The following ERBB4 variants were observed in gnomAD, a reference collection of about 807,000 sequenced individuals.
ERBB4 encodes erb-b2 receptor tyrosine kinase 4.
ERBB4 carries 42 observed loss-of-function variants against 158.0 expected under a neutral mutation model. The observed-to-expected ratio is 0.27, with a 90% CI of 0.21 to 0.34. ERBB4 has a LOEUF of 0.34. ERBB4 is among the 10% of genes least tolerant of loss of function. The pLI, the probability that ERBB4 is intolerant of heterozygous loss-of-function variation, is 1.00. For missense variants in ERBB4, 1,333 were observed against 1,624.1 expected, an observed-to-expected ratio of 0.82 and a Z score of 3.08; for synonymous variants, 583 against 558.7, an observed-to-expected ratio of 1.04 and a Z score of -0.61.
chr2:212,391,735 CAT>C (rs200250723), intron 1 of ERBB4, among the ~76,000 whole-genome samples: 3,480 of 132,732 alleles, frequency 0.026, 169 homozygotes, highest in African/African-American at 0.096. Context: ...ATATATATGA[CAT>C]ATATATTATA....
chr2:211,945,280 C>G (rs2080650770), intron 3 of ERBB4, among the ~76,000 whole-genome samples: 1 of 152,090 alleles, frequency 6.6e-6, no homozygotes, highest in Non-Finnish European at 1.5e-5. Flanking sequence ...CATGTAACTT[C>G]TGATTCTTAC....
intron 20 of ERBB4, among the ~76,000 whole-genome samples, chr2:211,486,727 T>C (rs1414687555): frequency 6.6e-6 from 1 of 152,052 alleles, no homozygotes; most frequent in Non-Finnish European, 1.5e-5. Flanking sequence ...CCACATTACA[T>C]CCACATGAAA....
intron 1 of ERBB4, among the ~76,000 whole-genome samples, chr2:212,236,169 G>A (rs2083865385): frequency 2.0e-5 from 3 of 152,150 alleles, no homozygotes; most frequent in Admixed American, 2.0e-4. Flanking sequence ...AGAGTTTTTA[G>A]TATGAATGGG....
At chr2:212,013,133 T>G (rs1477709061) in intron 2 of ERBB4, among the ~76,000 whole-genome samples, 5 of 151,830 alleles carry the variant, frequency 3.3e-5, no homozygotes, top group Non-Finnish European at 7.4e-5. Flanking sequence ...CTCAGCTCAT[T>G]GCAATCTCCA....
chr2:211,657,910 G>T (rs1250286261), intron 15 of ERBB4, 82 bp from the exon 16 acceptor site: 1 of 1,607,262 alleles, frequency 6.2e-7, no homozygotes, highest in Non-Finnish European at 8.5e-7. Context: ...CACACATGGA[G>T]CCTTGGAGGA....
At chr2:211,437,597 C>T (rs1425445187) in intron 20 of ERBB4, among the ~76,000 whole-genome samples, 2 of 152,136 alleles carry the variant, frequency 1.3e-5, no homozygotes, top group African/African-American at 4.8e-5. Context: ...TCAAGAGAGA[C>T]TGGACTATTT....
rs374685010 is a variant in ERBB4 at position 211,979,884 on chromosome 2, T to C, written c.235-32268A>G. Among the ~76,000 whole-genome samples the C allele has an allele frequency of 3.3e-5, 5 of 152,274 alleles. No individual in the cohort carries two copies. The East Asian group carries it at 9.7e-4, about 29-fold the overall frequency. ...TAGATGATTTATACATCTATGCCCA[T>C]TATGAACTCACCACATAGTTACTGA... On this transcript the variant is annotated intron_variant, in intron 2 of 27. Coordinates refer to ENST00000342788, the MANE Select transcript of ERBB4 (RefSeq NM_005235.3).
At chr2:211,895,106 TTC>T (rs1378677701) in intron 3 of ERBB4, among the ~76,000 whole-genome samples, 1 of 152,134 alleles carries the variant, frequency 6.6e-6, no homozygotes, top group Non-Finnish European at 1.5e-5. Flanking sequence ...TAGACAAAAT[TTC>T]TGTCTCCCTT....
intron 2 of ERBB4, among the ~76,000 whole-genome samples, chr2:212,029,193 A>T (rs1475776744): frequency 6.6e-6 from 1 of 152,016 alleles, no homozygotes; most frequent in Admixed American, 6.6e-5. Context: ...CTGAGCTACT[A>T]CTCCCTGCCT....
intron 20 of ERBB4, among the ~76,000 whole-genome samples, chr2:211,501,712 T>C (rs1266214050): frequency 6.6e-6 from 1 of 152,072 alleles, no homozygotes; most frequent in Non-Finnish European, 1.5e-5. Flanking sequence ...AATAATAATT[T>C]AACTTACTTT....
At chr2:211,809,014 A>C (rs2076686208) in intron 3 of ERBB4, among the ~76,000 whole-genome samples, 1 of 152,198 alleles carries the variant, frequency 6.6e-6, no homozygotes, top group Admixed American at 6.5e-5. Flanking sequence ...CTAACAGCTT[A>C]AGGAGATTTT....
At chr2:212,330,310 C>G (rs1382659978) in intron 1 of ERBB4, among the ~76,000 whole-genome samples, 4 of 151,958 alleles carry the variant, frequency 2.6e-5, no homozygotes, top group Non-Finnish European at 5.9e-5. Context: ...AAACAAAATA[C>G]ATTAAAACAA....
rs548257365 is a variant in ERBB4, at chr2:211,953,192, A to T, written c.235-5576T>A. Among the ~76,000 whole-genome samples the T allele has an allele frequency of 2.6e-5, 4 of 152,140 alleles. No individual in the cohort carries two copies. In the South Asian group the frequency reaches 6.2e-4, roughly 24 times the overall value. ...ATACAAAACATTGTTTGAACAAAAC[A>T]ATTATGAATTATGTCCAAGGACCAC... On this transcript the variant is annotated intron_variant, in intron 2 of 27. Coordinates refer to ENST00000342788, the MANE Select transcript of ERBB4 (RefSeq NM_005235.3).
chr2:212,491,859 T>A (rs1159962854), intron 1 of ERBB4, among the ~76,000 whole-genome samples: 1 of 151,522 alleles, frequency 6.6e-6, no homozygotes, highest in Non-Finnish European at 1.5e-5. Flanking sequence ...AAATCTGGAT[T>A]ATATGAATTT....
intron 2 of ERBB4, among the ~76,000 whole-genome samples, chr2:212,044,140 A>G (rs1173994485): frequency 6.6e-6 from 1 of 152,112 alleles, no homozygotes; most frequent in African/African-American, 2.4e-5. Flanking sequence ...TTAGTACTAC[A>G]CGGTAGTGTC....
chr2:212,504,378 T>C (rs576447365), intron 1 of ERBB4, among the ~76,000 whole-genome samples: 1 of 152,230 alleles, frequency 6.6e-6, no homozygotes, highest in South Asian at 2.1e-4. Context: ...TAAATTAGTA[T>C]TCCTTAAAGG....
At chr2:212,161,086 C>T (rs2081190004) in intron 1 of ERBB4, among the ~76,000 whole-genome samples, 1 of 152,002 alleles carries the variant, frequency 6.6e-6, no homozygotes, top group East Asian at 1.9e-4. Context: ...GCTTATAATG[C>T]TAGAGTTTTA....
intron 1 of ERBB4, among the ~76,000 whole-genome samples, chr2:212,333,004 C>CAGAA (rs1419684700): frequency 5.3e-5 from 8 of 152,018 alleles, no homozygotes; most frequent in Non-Finnish European, 1.2e-4. Context: ...GAACTAAGAT[C>CAGAA]ATCACTCTAG....
At chr2:211,780,179 T>C (rs540674217) in intron 4 of ERBB4, among the ~76,000 whole-genome samples, 1 of 151,888 alleles carries the variant, frequency 6.6e-6, no homozygotes, top group East Asian at 1.9e-4. Context: ...CTGGGTAACG[T>C]AGGGAGAGCC....
Sources: gnomAD v4.1 joint callset for allele counts (sites outside exome capture counted in the v4.1 genomes callset) on GRCh38, gnomAD v4.1.1 for gene constraint, MANE v1.5 for transcripts, NCBI Gene and HGNC (gene_info 2026-07-23, HGNC 2026-07-21) for gene names.